The following RCOR1 variants were observed in gnomAD, a reference collection of about 807,000 sequenced individuals.
The protein encoded by RCOR1 is REST corepressor 1.
In RCOR1, 12 loss-of-function variants were observed where a neutral mutation model predicts 64.0. The ratio of observed to expected loss-of-function variants is 0.19; its 90% CI spans 0.12 to 0.30. The LOEUF (loss-of-function observed/expected upper bound fraction) is 0.30, where lower values mean the gene tolerates loss of function less well. Ranked by LOEUF, RCOR1 falls within the 10% of genes least tolerant of loss-of-function variation. The pLI, the probability that RCOR1 is intolerant of heterozygous loss-of-function variation, is 1.00. For missense variants in RCOR1, 502 were observed against 621.2 expected, an observed-to-expected ratio of 0.81 and a Z score of 2.04; for synonymous variants, 279 against 227.2, an observed-to-expected ratio of 1.23 and a Z score of -2.05.
In RCOR1 at chr14:102,706,717, T is replaced by C. The variant is rs1341894697; in HGVS notation, c.499-634T>C. 2.6e-5 allele frequency among the ~76,000 whole-genome samples: 4 copies of C among 151,996 alleles called. No individual in the cohort carries two copies. The East Asian group carries it at 7.7e-4, about 29-fold the overall frequency. On this transcript the variant is annotated intron_variant, in intron 4 of 11. Transcript: ENST00000262241. ...TGGCATGTGCCTGTATCCCAGCTAC[T>C]TGGGAGACTGAGGTGATCAAGGAGG...
intron 2 of RCOR1, among the ~76,000 whole-genome samples, chr14:102,627,177 C>T (rs1237208778): frequency 1.3e-5 from 2 of 152,174 alleles, no homozygotes. Context: ...TACATCTGTG[C>T]CTGGTACTCT....
chr14:102,652,569 C>T (rs1405063399), intron 2 of RCOR1, among the ~76,000 whole-genome samples: 1 of 152,256 alleles, frequency 6.6e-6, no homozygotes, highest in Non-Finnish European at 1.5e-5. Context: ...TCAAATGTTA[C>T]ACCATCCACC....
At chr14:102,634,084 GA>G (rs999866549) in intron 2 of RCOR1, among the ~76,000 whole-genome samples, 9 of 152,170 alleles carry the variant, frequency 5.9e-5, no homozygotes, top group African/African-American at 2.2e-4. Flanking sequence ...TCAGTGCTTG[GA>G]AAAAGGATGT....
intron 2 of RCOR1, chr14:102,655,155 A>G (rs1416109944): frequency 8.2e-6 from 2 of 242,704 alleles, no homozygotes; most frequent in Non-Finnish European, 1.1e-5. Flanking sequence ...TTTGTTGAAT[A>G]TTTGGATAGG....
intron 2 of RCOR1, among the ~76,000 whole-genome samples, chr14:102,600,133 C>T (rs1893359496): frequency 6.6e-6 from 1 of 152,138 alleles, no homozygotes; most frequent in South Asian, 2.1e-4. Context: ...GGCTGGGGTG[C>T]TGGAGTGCAG....
At chr14:102,689,300 T>TG (rs927259886) in intron 3 of RCOR1, among the ~76,000 whole-genome samples, 5 of 151,790 alleles carry the variant, frequency 3.3e-5, no homozygotes, top group African/African-American at 1.2e-4. Context: ...GGATTTTTTT[T>TG]TTGTTGCTTG....
chr14:102,693,030 T>C (rs1182589685), intron 3 of RCOR1, among the ~76,000 whole-genome samples: 1 of 152,126 alleles, frequency 6.6e-6, no homozygotes, highest in Non-Finnish European at 1.5e-5. Context: ...CCTCTCAAAG[T>C]GTTGAGATTA....
intron 2 of RCOR1, among the ~76,000 whole-genome samples, chr14:102,602,693 C>T (rs1291082927): frequency 1.3e-5 from 2 of 152,136 alleles, no homozygotes; most frequent in African/African-American, 4.8e-5. Flanking sequence ...AGACGTGATC[C>T]ACTGTGCCTG....
chr14:102,593,041 C>A lies in RCOR1; in HGVS notation c.155C>A (p.Ser52Tyr). 7.4e-7 allele frequency: 1 copy of A among 1,356,610 alleles called. No individual in the cohort carries two copies. Among genetic ancestry groups the A allele is most frequent in the Non-Finnish European group, 9.6e-7 (1 of 1,045,460 alleles). The allele number at this position is 1,356,610 out of a possible 1,614,324, so 84.0% of individuals were successfully genotyped here. Residue 52 changes from serine to tyrosine, a missense_variant, in exon 1 of 12, where the codon TCC becomes TAC. This residue lies in a region of RCOR1 where 242 missense variants were observed against 204.9 expected (regional missense o/e 1.18). Coordinates refer to ENST00000262241, the MANE Select transcript of RCOR1 (RefSeq NM_015156.4). ...ACTGCCGCCTCGGGCGCCGCCGCCT[C>A]CTCAGCCTCGGCCGCCGCCGCCTCA... is the stretch of plus-strand genomic sequence containing the variant. ...AATAASGAAA[S>Y]SASAAAASAA...
intron 2 of RCOR1, among the ~76,000 whole-genome samples, chr14:102,637,890 GT>G (rs1894278901): frequency 6.6e-6 from 1 of 152,030 alleles, no homozygotes; most frequent in South Asian, 2.1e-4. Context: ...TTCTAGTTTC[GT>G]TGTGTCTTAC....
chr14:102,692,558 G>A (rs986895512), intron 3 of RCOR1, among the ~76,000 whole-genome samples: 2 of 151,078 alleles, frequency 1.3e-5, no homozygotes, highest in Non-Finnish European at 2.9e-5. Flanking sequence ...GGATCTTTTC[G>A]GTATGCTTAT....
chr14:102,643,714 T>C (rs995776161), intron 2 of RCOR1, among the ~76,000 whole-genome samples: 10 of 152,202 alleles, frequency 6.6e-5, no homozygotes, highest in Non-Finnish European at 1.5e-4. Flanking sequence ...ACAAGTTTAC[T>C]TTTGGTAGAG....
At chr14:102,608,028 C>T (rs1234073860) in intron 2 of RCOR1, among the ~76,000 whole-genome samples, 1 of 152,006 alleles carries the variant, frequency 6.6e-6, no homozygotes, top group Non-Finnish European at 1.5e-5. Flanking sequence ...TGCACTCAAG[C>T]CCGGGCGAAA....
At position 102,720,395 on chromosome 14, in the gene RCOR1, G is replaced by T. The variant is rs1167052393; in HGVS notation, c.1054-612G>T. Among the ~76,000 whole-genome samples the T allele has an allele frequency of 3.3e-5, 5 of 152,338 alleles. No homozygotes were observed. In the East Asian group the frequency reaches 9.6e-4, roughly 29 times the overall value. On this transcript the variant is annotated intron_variant, in intron 8 of 11. Coordinates refer to ENST00000262241, the MANE Select transcript of RCOR1 (RefSeq NM_015156.4). ...CAGTGAAAGATTACCTTGAGCCAAG[G>T]CAGTAATGTGGAAAAAGATAATTTG...
chr14:102,610,211 TATATG>T (rs1376057291), intron 2 of RCOR1, among the ~76,000 whole-genome samples: 1 of 152,054 alleles, frequency 6.6e-6, no homozygotes, highest in Non-Finnish European at 1.5e-5. Flanking sequence ...ATATTAATAT[TATATG>T]ATATATAAGC....
rs34235674 is a variant in RCOR1, at chr14:102,721,380, AGG to A, written c.1189+7_1189+8del. On this transcript the variant is annotated splice_donor_5th_base_variant and intron_variant, in intron 10 of 11. Coordinates refer to ENST00000262241, the MANE Select transcript of RCOR1 (RefSeq NM_015156.4). Reference sequence around the variant, plus strand: ...AGAGCAGCTTCTCGCCGTACAAGGTAGGGGGAAGTTCTTCTAAAGAGTTTAGG... The same window carrying A: ...AGAGCAGCTTCTCGCCGTACAAGGTAGGGAAGTTCTTCTAAAGAGTTTAGG... The A allele has an allele frequency of 6.2e-7, 1 of 1,612,186 alleles. No homozygotes were observed. The highest frequency in any genetic ancestry group is 1.7e-5 in the Admixed American group (1 of 59,998).
intron 2 of RCOR1, among the ~76,000 whole-genome samples, chr14:102,664,620 G>C (rs770091609): frequency 3.9e-5 from 6 of 152,244 alleles, no homozygotes; most frequent in Non-Finnish European, 8.8e-5. Flanking sequence ...CAGCCTTCTT[G>C]GTTCTCAAAC....
At chr14:102,680,074 TTC>T (rs1484730733) in intron 2 of RCOR1, among the ~76,000 whole-genome samples, 1 of 152,188 alleles carries the variant, frequency 6.6e-6, no homozygotes, top group African/African-American at 2.4e-5. Flanking sequence ...CATCTTTAGT[TTC>T]TCTCAGCAGT....
intron 2 of RCOR1, among the ~76,000 whole-genome samples, chr14:102,594,025 T>C (rs893509761): frequency 1.3e-5 from 2 of 152,182 alleles, no homozygotes; most frequent in African/African-American, 4.8e-5. Flanking sequence ...TAACAAATGC[T>C]TTTCACCTAC....
Sources: allele counts gnomAD v4.1 joint callset (sites outside exome capture counted in the v4.1 genomes callset), GRCh38; gene constraint gnomAD v4.1.1; regional missense constraint gnomAD v4.1.1; transcripts MANE v1.5; gene names NCBI Gene and HGNC (gene_info 2026-07-23, HGNC 2026-07-21).